The following ADAM22 variants were observed in gnomAD, a reference collection of about 807,000 sequenced individuals.
ADAM22 encodes disintegrin and metalloproteinase domain-containing protein 22.
A neutral mutation model predicts 144.6 loss-of-function variants in ADAM22; 65 were observed. That is an observed-to-expected ratio of 0.45 (90% CI 0.37 to 0.55). ADAM22 has a LOEUF of 0.55. Ranked by LOEUF, ADAM22 falls within the 20% of genes least tolerant of loss-of-function variation. The probability of loss-of-function intolerance (pLI) is 0.00; values close to 1 mark genes in which losing one functional copy is unlikely to be tolerated. For missense variants in ADAM22, 974 were observed against 1,184.9 expected (o/e 0.82, Z 2.61); for synonymous variants, 391 against 412.6 (o/e 0.95, Z 0.63).
At chr7:88,020,559 G>A (rs574067259) in intron 3 of ADAM22, among the ~76,000 whole-genome samples, 4 of 152,078 alleles carry the variant, frequency 2.6e-5, no homozygotes, top group Non-Finnish European at 2.9e-5. Context: ...ATCGACTTTG[G>A]CTGTACTTCT....
chr7:88,149,282 AC>A (rs1837616653), intron 18 of ADAM22, among the ~76,000 whole-genome samples: 1 of 152,200 alleles, frequency 6.6e-6, no homozygotes, highest in Non-Finnish European at 1.5e-5. Flanking sequence ...GCATGCCTTA[AC>A]TATTTTGTTT....
chr7:88,061,284 C>T (rs1012020729), intron 3 of ADAM22, among the ~76,000 whole-genome samples: 1 of 152,144 alleles, frequency 6.6e-6, no homozygotes, highest in African/African-American at 2.4e-5. Context: ...TTCTTCCAAA[C>T]TCATATTTGT....
intron 26 of ADAM22, among the ~76,000 whole-genome samples, chr7:88,172,991 G>A (rs892567134): frequency 6.6e-6 from 1 of 151,920 alleles, no homozygotes; most frequent in East Asian, 1.9e-4. Context: ...CAGGAACTAA[G>A]GCTATAATGT....
chr7:88,162,952 C>A, intron 22 of ADAM22, 60 bp from the exon 23 acceptor site: 1 of 1,574,884 alleles, frequency 6.3e-7, no homozygotes. Context: ...AGTTTTTGAG[C>A]ATATTTTCAA....
chr7:88,081,497 C>T (rs1388375783), intron 4 of ADAM22, among the ~76,000 whole-genome samples: 2 of 152,070 alleles, frequency 1.3e-5, no homozygotes, highest in Non-Finnish European at 1.5e-5. Flanking sequence ...CTAGGGCAGT[C>T]AGGCAGGAGA....
intron 25 of ADAM22, among the ~76,000 whole-genome samples, chr7:88,168,591 A>G (rs1843466163): frequency 6.6e-6 from 1 of 152,144 alleles, no homozygotes; most frequent in Non-Finnish European, 1.5e-5. Context: ...TTATTTATCT[A>G]TCTAATGTGT....
intron 4 of ADAM22, among the ~76,000 whole-genome samples, chr7:88,080,007 T>C (rs1356511212): frequency 2.0e-5 from 3 of 152,176 alleles, no homozygotes; most frequent in Non-Finnish European, 4.4e-5. Flanking sequence ...CTAATAGACA[T>C]CTACAGAACT....
intron 23 of ADAM22, among the ~76,000 whole-genome samples, chr7:88,163,563 C>A (rs986995435): frequency 6.6e-6 from 1 of 152,014 alleles, no homozygotes; most frequent in Non-Finnish European, 1.5e-5. Context: ...GGTCTGGGCA[C>A]TGACAAATCT....
chr7:88,007,353 C>G (rs1794173454), intron 3 of ADAM22, among the ~76,000 whole-genome samples: 1 of 152,144 alleles, frequency 6.6e-6, no homozygotes, highest in Non-Finnish European at 1.5e-5. Flanking sequence ...AATGCCATCC[C>G]CATCAAGCTA....
intron 3 of ADAM22, among the ~76,000 whole-genome samples, chr7:88,009,782 G>A (rs1011551804): frequency 1.3e-5 from 2 of 152,104 alleles, no homozygotes; most frequent in Admixed American, 6.5e-5. Flanking sequence ...TTCAGTTGGA[G>A]GCATCATGGG....
intron 2 of ADAM22, among the ~76,000 whole-genome samples, chr7:87,975,450 C>G (rs1688887): frequency 0.52 from 78,947 of 151,884 alleles, 20,794 homozygotes; most frequent in Non-Finnish European, 0.53. Flanking sequence ...TGTATATAGT[C>G]TAAGAAAGCT....
chr7:88,023,337 T>C (rs1798243415), intron 3 of ADAM22, among the ~76,000 whole-genome samples: 1 of 152,204 alleles, frequency 6.6e-6, no homozygotes, highest in African/African-American at 2.4e-5. Flanking sequence ...AGGCATACAA[T>C]GTGTAATAAC....
At chr7:88,014,452 T>C (rs771784439) in intron 3 of ADAM22, among the ~76,000 whole-genome samples, 5 of 152,142 alleles carry the variant, frequency 3.3e-5, no homozygotes, top group African/African-American at 4.8e-5. Context: ...CAAGAAGTTA[T>C]ATACTTTTGA....
chr7:88,025,626 CT>C (rs1798839880), intron 3 of ADAM22, among the ~76,000 whole-genome samples: 1 of 152,176 alleles, frequency 6.6e-6, no homozygotes, highest in Non-Finnish European at 1.5e-5. Flanking sequence ...AAGAAACTAT[CT>C]TTTCCCCAAT....
At chr7:88,111,253 T>A (rs1458893236) in intron 5 of ADAM22, among the ~76,000 whole-genome samples, 1 of 152,126 alleles carries the variant, frequency 6.6e-6, no homozygotes, top group Non-Finnish European at 1.5e-5. Flanking sequence ...AAGAAATGTT[T>A]TGGGGGGATG....
rs1321161042 is a variant in ADAM22, at chr7:88,039,467, AT to A, written c.324-36158del. On this transcript the variant is annotated intron_variant, in intron 3 of 31. Coordinates refer to ENST00000413139, the MANE Select transcript of ADAM22 (RefSeq NM_001324418.2). ...TCTGTCTCAAAAAAAAAAAAAAAAT[AT>A]ATATATATATATATATACATTTCAT... Among the ~76,000 whole-genome samples, 492 of 127,016 alleles carry A rather than the reference AT, an allele frequency of 3.9e-3. 19 individuals carry two copies. The highest frequency in any genetic ancestry group is 0.03 in the East Asian group (125 of 4,158). The allele number at this position is 127,016 out of a possible 152,430, so 83.3% of individuals were successfully genotyped here. A position where few individuals can be genotyped will look rare whatever the true frequency, so the allele number is the denominator to read the frequency against.
At chr7:87,963,396 C>T (rs554918224) in intron 2 of ADAM22, among the ~76,000 whole-genome samples, 2 of 152,112 alleles carry the variant, frequency 1.3e-5, no homozygotes, top group South Asian at 2.1e-4. Flanking sequence ...AAGTGACCTC[C>T]GTGTTACTTT....
chr7:88,193,316 G>GA lies in ADAM22; in HGVS notation c.2874+79dup, dbSNP rs939576397. The GA allele has an allele frequency of 4.1e-6, 6 of 1,465,592 alleles. No homozygotes were observed. The African/African-American group carries it at 8.5e-5, about 21-fold the overall frequency. The allele number at this position is 1,465,592 out of a possible 1,614,324, so 90.8% of individuals were successfully genotyped here. On this transcript the variant is annotated intron_variant, in intron 31 of 31. Coordinates refer to ENST00000413139, the MANE Select transcript of ADAM22 (RefSeq NM_001324418.2). ...CTATGAGTTTATATTTTAAAAGAGA[G>GA]AACCATTTTTCCTCCCTTGTTCCTA...
Position 88,202,069 on chromosome 7 carries a change from A to G in ADAM22, c.*5578A>G, listed in dbSNP as rs1468758341. 6.6e-6 allele frequency: 1 copy of G among 152,222 alleles called. No individual in the cohort carries two copies. Among genetic ancestry groups the G allele is most frequent in the East Asian group, 1.9e-4 (1 of 5,196 alleles). 9.4% of individuals were successfully genotyped at this position (152,222 alleles called of 1,614,324 possible). A position where few individuals can be genotyped will look rare whatever the true frequency, so the allele number is the denominator to read the frequency against. On this transcript the variant is annotated 3_prime_UTR_variant, in exon 32 of 32. Coordinates refer to ENST00000413139, the MANE Select transcript of ADAM22 (RefSeq NM_001324418.2). ...TGATATGAATACTTAGTAATAATAC[A>G]AAAGTTCCTGCTAAATTATATATGT...
Sources: allele counts gnomAD v4.1 joint callset (sites outside exome capture counted in the v4.1 genomes callset), GRCh38; gene constraint gnomAD v4.1.1; transcripts MANE v1.5; gene names NCBI Gene and HGNC (gene_info 2026-07-23, HGNC 2026-07-21).